The following LGSN variants were observed in gnomAD, a reference collection of about 807,000 sequenced individuals.
LGSN encodes the protein lengsin, lens protein with glutamine synthetase domain.
Under a neutral mutation model 19.5 loss-of-function variants are expected in LGSN, and 21 were observed. The ratio of observed to expected loss-of-function variants is 1.07; its 90% CI spans 0.76 to 1.55. The LOEUF (loss-of-function observed/expected upper bound fraction) is 1.55, where lower values mean the gene tolerates loss of function less well. Ranked by LOEUF, LGSN falls within the 40% of genes most tolerant of loss-of-function variation. The pLI, the probability that LGSN is intolerant of heterozygous loss-of-function variation, is 0.00. For missense variants in LGSN, 673 were observed against 608.5 expected, an observed-to-expected ratio of 1.11 and a Z score of -1.12; for synonymous variants, 257 against 215.6, an observed-to-expected ratio of 1.19 and a Z score of -1.68.
At chr6:63,415,574 C>T in the LGSN span, among the ~76,000 whole-genome samples, 1 of 152,174 alleles carries the variant, frequency 6.6e-6, no homozygotes, top group African/African-American at 2.4e-5. Flanking sequence ...TGGGCGAAAG[C>T]GCCCTCATGA....
At chr6:63,399,118 T>A in the LGSN span, among the ~76,000 whole-genome samples, 2 of 152,124 alleles carry the variant, frequency 1.3e-5, no homozygotes, top group African/African-American at 4.8e-5. Flanking sequence ...CATTTTTTTT[T>A]AATCTTTTAC....
chr6:63,383,735 C>G, the LGSN span, among the ~76,000 whole-genome samples: 2 of 151,868 alleles, frequency 1.3e-5, no homozygotes, highest in Non-Finnish European at 2.9e-5. Flanking sequence ...ATTTTAATAA[C>G]TTTTTCACTG....
At chr6:63,527,794 A>C in the LGSN span, 1 of 152,196 alleles carries the variant, frequency 6.6e-6, no homozygotes, top group African/African-American at 2.4e-5. Context: ...AGCTCACCTG[A>C]CAGATTGCTC....
the LGSN span, among the ~76,000 whole-genome samples, chr6:63,351,425 GAGAGAGAGGA>G: frequency 6.8e-6 from 1 of 147,862 alleles, no homozygotes; most frequent in Non-Finnish European, 1.5e-5. Flanking sequence ...GTGAGAGAGA[GAGAGAGAGGA>G]AGAGAGAGAG....
rs76088026 is a variant in LGSN, at chr6:63,298,047, G to C, written c.31-3002C>G. On this transcript the variant is annotated intron_variant, in intron 1 of 3. Transcript: ENST00000370657. ...GTCGCTCTGAACATATTCTTGTTCT[G>C]AGGGCTGCCTGACTCTTGAATTGTT... Among the ~76,000 whole-genome samples the C allele has an allele frequency of 4.4e-3, 669 of 152,290 alleles. 3 individuals are homozygous for C. Among genetic ancestry groups the C allele is most frequent in the African/African-American group, 0.015 (626 of 41,562 alleles).
At chr6:63,392,472 G>C in the LGSN span, 1 of 152,360 alleles carries the variant, frequency 6.6e-6, no homozygotes, top group Non-Finnish European at 1.5e-5. Context: ...CCTACTCCTG[G>C]CTGTGGGACT....
chr6:63,358,572 G>A, the LGSN span, among the ~76,000 whole-genome samples: 1 of 152,038 alleles, frequency 6.6e-6, no homozygotes, highest in Non-Finnish European at 1.5e-5. Context: ...GGATTCCTAG[G>A]TATTTTATTC....
chr6:63,473,257 G>C, the LGSN span, among the ~76,000 whole-genome samples: 1 of 151,592 alleles, frequency 6.6e-6, no homozygotes, highest in Admixed American at 6.6e-5. Context: ...CTGATTGCCT[G>C]AGCTCAGGGG....
chr6:63,368,591 C>G, the LGSN span, among the ~76,000 whole-genome samples: 40 of 152,332 alleles, frequency 2.6e-4, no homozygotes, highest in South Asian at 4.4e-3. Flanking sequence ...CTCCTCCCCC[C>G]ACTCCACACA....
At chr6:63,386,903 C>T in the LGSN span, among the ~76,000 whole-genome samples, 1 of 152,082 alleles carries the variant, frequency 6.6e-6, no homozygotes, top group African/African-American at 2.4e-5. Context: ...GAGCTCAAGA[C>T]CAGCCTGACC....
the LGSN span, among the ~76,000 whole-genome samples, chr6:63,480,994 CACATACATACATACAT>C: frequency 8.4e-6 from 1 of 119,142 alleles, no homozygotes; most frequent in African/African-American, 3.0e-5. Flanking sequence ...TATACACACA[CACATACATACATACAT>C]ACATACATAC....
the LGSN span, among the ~76,000 whole-genome samples, chr6:63,454,141 TTTAG>T: frequency 6.6e-6 from 1 of 152,324 alleles, no homozygotes; most frequent in East Asian, 1.9e-4. Context: ...TTTTAATATT[TTTAG>T]TGTCTTTTTT....
intron 2 of LGSN, 52 bp downstream of exon 2, chr6:63,294,861 T>G: frequency 2.7e-5 from 42 of 1,565,698 alleles, no homozygotes; most frequent in Non-Finnish European, 3.2e-5. Flanking sequence ...AAAGACCAAA[T>G]GGAGATTGCC....
At chr6:63,363,655 G>T in the LGSN span, among the ~76,000 whole-genome samples, 5 of 152,120 alleles carry the variant, frequency 3.3e-5, no homozygotes, top group African/African-American at 1.2e-4. Flanking sequence ...AGAGAAAAAA[G>T]AATATAAAGA....
the LGSN span, among the ~76,000 whole-genome samples, chr6:63,484,743 C>T: frequency 1.3e-5 from 2 of 152,186 alleles, no homozygotes; most frequent in African/African-American, 2.4e-5. Context: ...AGAGAATATA[C>T]CCAAAGCATT....
At chr6:63,342,479 A>ATGAAC in the LGSN span, among the ~76,000 whole-genome samples, 2 of 152,232 alleles carry the variant, frequency 1.3e-5, no homozygotes, top group Non-Finnish European at 2.9e-5. Context: ...TGATTCAATA[A>ATGAAC]ATGTAATGAA....
the LGSN span, among the ~76,000 whole-genome samples, chr6:63,412,509 A>AGAAAGAAAGAAAGAAG: frequency 8.5e-4 from 99 of 116,906 alleles, no homozygotes; most frequent in Middle Eastern, 4.1e-3. Flanking sequence ...AAAGAAAGAA[A>AGAAAGAAAGAAAGAAG]GAAAGAAAGA....
At chr6:63,499,250 C>T in the LGSN span, among the ~76,000 whole-genome samples, 1 of 152,166 alleles carries the variant, frequency 6.6e-6, no homozygotes, top group Non-Finnish European at 1.5e-5. Context: ...TACATGGCCT[C>T]CCATTGGAAG....
the LGSN span, among the ~76,000 whole-genome samples, chr6:63,531,512 CTTTTT>C: frequency 1.6e-5 from 2 of 128,536 alleles, no homozygotes; most frequent in Admixed American, 8.1e-5. Flanking sequence ...ATCTATTATG[CTTTTT>C]TTTTTTTTTT....
Sources: gnomAD v4.1 joint callset for allele counts (sites outside exome capture counted in the v4.1 genomes callset) on GRCh38, gnomAD v4.1.1 for gene constraint, MANE v1.5 for transcripts, NCBI Gene and HGNC (gene_info 2026-07-23, HGNC 2026-07-21) for gene names.